EPB41: variants seen among roughly 807,000 people sequenced by gnomAD.
EPB41 encodes the protein protein 4.1.
EPB41 carries 65 observed loss-of-function variants against 108.0 expected under a neutral mutation model. The ratio of observed to expected loss-of-function variants is 0.60; its 90% CI spans 0.49 to 0.74. The LOEUF is 0.74. EPB41 is among the 30% of genes least tolerant of loss of function. EPB41 has a pLI of 0.00. For synonymous variants in EPB41, 336 were observed against 358.9 expected (o/e 0.94, Z 0.72); for missense variants, 875 against 1,037.0 (o/e 0.84, Z 2.15).
At chr1:28,901,933 G>A (rs922069406) in intron 1 of EPB41, among the ~76,000 whole-genome samples, 2 of 152,164 alleles carry the variant, frequency 1.3e-5, no homozygotes, top group Non-Finnish European at 2.9e-5. Context: ...TTGACATACT[G>A]TATTTTATTA....
chr1:29,044,445 C>T (rs1463770807), intron 11 of EPB41, among the ~76,000 whole-genome samples: 1 of 152,196 alleles, frequency 6.6e-6, no homozygotes, highest in African/African-American at 2.4e-5. Context: ...ACAGAAATCA[C>T]ATCTTGACTG....
At chr1:28,909,157 C>A (rs377250323) in intron 1 of EPB41, among the ~76,000 whole-genome samples, 1,603 of 122,596 alleles carry the variant, frequency 0.013, no homozygotes, top group Middle Eastern at 0.017. Flanking sequence ...GACTCCGTCT[C>A]AAAAAAAAAA....
At chr1:29,045,409 G>A (rs1410214070) in intron 11 of EPB41, among the ~76,000 whole-genome samples, 2 of 151,906 alleles carry the variant, frequency 1.3e-5, no homozygotes, top group African/African-American at 2.4e-5. Context: ...GCTGGAGTGC[G>A]ATGGAGCGAT....
chr1:29,100,113 A>G (rs1239726467), intron 17 of EPB41, among the ~76,000 whole-genome samples: 1 of 151,942 alleles, frequency 6.6e-6, no homozygotes, highest in Admixed American at 6.6e-5. Context: ...CTTAATCCTC[A>G]CCTCACCATG....
At position 28,950,780 on chromosome 1, in the gene EPB41, G is replaced by C. The variant is rs146602536; in HGVS notation, c.-8+36012G>C. Among the ~76,000 whole-genome samples the C allele has an allele frequency of 5.7e-4, 87 of 151,996 alleles. 2 individuals are homozygous for C. In the East Asian group the frequency reaches 0.016, roughly 28 times the overall value. ...GCCACATTTCCTACCTCTCTTTACA[G>C]ATAGAGGCAGCCTCCCAAGAGGGAA... On this transcript the variant is annotated intron_variant, in intron 1 of 20. Coordinates refer to ENST00000343067, the MANE Select transcript of EPB41 (RefSeq NM_001376013.1).
upstream of EPB41, chr1:28,910,932 G>A: frequency 1.0e-6 from 1 of 975,266 alleles, no homozygotes; most frequent in Non-Finnish European, 1.2e-6. Context: ...TTGGGGCATA[G>A]CACAGCTGCC....
rs760655664 is a variant in EPB41 at position 29,115,176 on chromosome 1, T to G, written c.2497-523T>G. Among the ~76,000 whole-genome samples, 1 of 152,196 alleles carries G rather than the reference T, an allele frequency of 6.6e-6. No individual in the cohort carries two copies. The highest frequency in any genetic ancestry group is 1.5e-5 in the Non-Finnish European group (1 of 68,032). Reference sequence around the variant, plus strand: ...GGGAGGCCAAGCCAGGTGGATCATTTGAGGTCAGGAGTTCGAGACCAGTCT... The same window carrying G: ...GGGAGGCCAAGCCAGGTGGATCATTGGAGGTCAGGAGTTCGAGACCAGTCT... On this transcript the variant is annotated intron_variant, in intron 19 of 20. Coordinates refer to ENST00000343067, the MANE Select transcript of EPB41 (RefSeq NM_001376013.1). This position sits in a 1 kb window ranked among gnomAD's most constrained non-coding sequence, Gnocchi z 4.4.
chr1:29,091,498 A>G (rs1453171612), intron 16 of EPB41, among the ~76,000 whole-genome samples: 1 of 152,176 alleles, frequency 6.6e-6, no homozygotes, highest in Non-Finnish European at 1.5e-5. Flanking sequence ...ACAATATGAC[A>G]AATTCATTCT....
rs796581833 is a variant in EPB41 at position 28,948,521 on chromosome 1, A to G, written c.-8+33753A>G. ...ACTCCGTATCAAAAAAAAAAAAAAA[A>G]AAAGAAAGAAAGAAAGTGAAGCAGC... On this transcript the variant is annotated intron_variant, in intron 1 of 20. Transcript: ENST00000343067. Among the ~76,000 whole-genome samples, 438 of 151,176 alleles carry G rather than the reference A, an allele frequency of 2.9e-3. 4 individuals carry two copies. The highest frequency in any genetic ancestry group is 9.9e-3 in the African/African-American group (406 of 41,172).
At chr1:28,898,882 AT>A (rs1196027031) in intron 1 of EPB41, among the ~76,000 whole-genome samples, 28 of 150,006 alleles carry the variant, frequency 1.9e-4, no homozygotes, top group African/African-American at 3.7e-4. Context: ...AAATAGCTTT[AT>A]TTTTTTTTTC....
intron 6 of EPB41, 146 bp downstream of exon 6, chr1:29,015,913 C>G: frequency 1.6e-6 from 1 of 617,534 alleles, no homozygotes; most frequent in Non-Finnish European, 2.9e-6. Flanking sequence ...TTGAAAGTTT[C>G]TGGTCACTTC....
At chr1:28,989,260 A>G (rs2095948967) in intron 2 of EPB41, 3 of 303,668 alleles carry the variant, frequency 9.9e-6, no homozygotes, top group Non-Finnish European at 1.4e-5. Context: ...AGTGTTGTTA[A>G]ACTAAACACG....
At position 29,115,609 on chromosome 1, in the gene EPB41, C is replaced by A. The variant is rs112643869; in HGVS notation, c.2497-90C>A. ...GGTACTGCAGACAGGAGTATTGGAT[C>A]TGTCAGAACATCAGAGAAATGATGA... On this transcript the variant is annotated intron_variant, in intron 19 of 20. Transcript: ENST00000343067. The surrounding 1 kb of genome is among the most constrained non-coding windows in gnomAD (Gnocchi z 4.4). 3.2e-5 allele frequency: 35 copies of A among 1,103,382 alleles called. No homozygotes were observed. Among genetic ancestry groups the A allele is most frequent in the Non-Finnish European group, 8.2e-6 (6 of 734,084 alleles). 68.3% of individuals were successfully genotyped at this position (1,103,382 alleles called of 1,614,324 possible). A position where few individuals can be genotyped will look rare whatever the true frequency, so the allele number is the denominator to read the frequency against.
chr1:29,010,766 T>C (rs559330459), intron 4 of EPB41, among the ~76,000 whole-genome samples: 6 of 152,306 alleles, frequency 3.9e-5, no homozygotes, highest in African/African-American at 1.4e-4. Context: ...AAATATTTAT[T>C]CATTCAGTAA....
intron 16 of EPB41, among the ~76,000 whole-genome samples, chr1:29,084,238 C>G (rs1657895240): frequency 6.6e-6 from 1 of 152,200 alleles, no homozygotes; most frequent in Non-Finnish European, 1.5e-5. Flanking sequence ...CTATGTCAAT[C>G]TTATTAAAAA....
chr1:29,097,411 A>G (rs1341299921), intron 16 of EPB41: 2 of 281,590 alleles, frequency 7.1e-6, no homozygotes, highest in African/African-American at 4.4e-5. Context: ...ATTCGTACTT[A>G]GTGGAGGAAA....
chr1:28,889,514 C>A (rs2089863482), intron 1 of EPB41, among the ~76,000 whole-genome samples: 1 of 152,244 alleles, frequency 6.6e-6, no homozygotes, highest in South Asian at 2.1e-4. Flanking sequence ...GCGGGTAGAG[C>A]CCTGTCAGGG....
intron 16 of EPB41, chr1:29,069,521 A>G (rs1227788127): frequency 1.6e-5 from 16 of 992,528 alleles, no homozygotes; most frequent in Non-Finnish European, 2.0e-5. Context: ...TGCAATCTTT[A>G]AAATGTATAA....
chr1:28,915,713 C>CT (rs539644248), intron 1 of EPB41, among the ~76,000 whole-genome samples: 65 of 76,230 alleles, frequency 8.5e-4, no homozygotes, highest in Non-Finnish European at 1.4e-3. Flanking sequence ...TTTCTTTTTC[C>CT]TTTTTTTTTT....
Sources: allele counts gnomAD v4.1 joint callset (sites outside exome capture counted in the v4.1 genomes callset), GRCh38; gene constraint gnomAD v4.1.1; non-coding constraint Gnocchi (gnomAD v3.1); transcripts MANE v1.5; gene names NCBI Gene and HGNC (gene_info 2026-07-23, HGNC 2026-07-21).